The following RNGTT variants were observed in gnomAD, a reference collection of about 807,000 sequenced individuals.
The protein encoded by RNGTT is mRNA-capping enzyme.
RNGTT carries 33 observed loss-of-function variants against 79.3 expected under a neutral mutation model. That is an observed-to-expected ratio of 0.42 (90% CI 0.32 to 0.56). The LOEUF is 0.56. RNGTT is among the 20% of genes least tolerant of loss of function. The pLI is 0.17. For synonymous variants in RNGTT, 222 were observed against 235.9 expected, an observed-to-expected ratio of 0.94 and a Z score of 0.54; for missense variants, 497 against 739.1, an observed-to-expected ratio of 0.67 and a Z score of 3.80.
At chr6:88,647,029 T>C (rs1007794821) in intron 14 of RNGTT, among the ~76,000 whole-genome samples, 7 of 143,078 alleles carry the variant, frequency 4.9e-5, no homozygotes, top group Non-Finnish European at 1.0e-4. Flanking sequence ...AATAAAAATA[T>C]ATATATGAAA....
chr6:88,767,773 G>A (rs1180969659), intron 13 of RNGTT, among the ~76,000 whole-genome samples: 3 of 150,648 alleles, frequency 2.0e-5, no homozygotes, highest in African/African-American at 4.9e-5. Flanking sequence ...CTTCTGTAAG[G>A]CACTTCCAGA....
chr6:88,838,013 C>A (rs913891621), intron 11 of RNGTT, among the ~76,000 whole-genome samples: 1 of 151,886 alleles, frequency 6.6e-6, no homozygotes, highest in African/African-American at 2.4e-5. Context: ...AATATGAATA[C>A]CTAAAAAAAT....
At chr6:88,666,847 G>A (rs1325429915) in intron 14 of RNGTT, among the ~76,000 whole-genome samples, 1 of 152,116 alleles carries the variant, frequency 6.6e-6, no homozygotes, top group Non-Finnish European at 1.5e-5. Context: ...CTTTAACTCA[G>A]GCCTTAGAGC....
chr6:88,627,699 T>C (rs1016065046), intron 14 of RNGTT, among the ~76,000 whole-genome samples: 1 of 152,142 alleles, frequency 6.6e-6, no homozygotes, highest in African/African-American at 2.4e-5. Flanking sequence ...TCCTTTAAAA[T>C]CACTCAATTT....
intron 1 of RNGTT, among the ~76,000 whole-genome samples, chr6:88,950,489 A>C (rs1329502713): frequency 6.6e-6 from 1 of 152,216 alleles, no homozygotes; most frequent in Non-Finnish European, 1.5e-5. Context: ...AACTTTCTGG[A>C]AAGGATTCAC....
chr6:88,874,309 A>C (rs78913951), intron 8 of RNGTT, among the ~76,000 whole-genome samples: 6,168 of 152,200 alleles, frequency 0.041, 181 homozygotes, highest in Middle Eastern at 0.058. Context: ...TTTAAAAGCC[A>C]CTTAACGTAT....
rs183488525 is a variant in RNGTT at position 88,865,702 on chromosome 6, A to G, written c.897-11938T>C. 3.1e-3 allele frequency among the ~76,000 whole-genome samples: 472 copies of G among 152,294 alleles called. 9 individuals are homozygous for G. The highest frequency in any genetic ancestry group is 0.011 in the African/African-American group (457 of 41,590). Reference sequence around the variant, plus strand: ...CATATTTTAAAAACTTGAATCAGGTAGGTCTCAATCTGTCTAAGAGCTTGT... The same window carrying G: ...CATATTTTAAAAACTTGAATCAGGTGGGTCTCAATCTGTCTAAGAGCTTGT... On this transcript the variant is annotated intron_variant, in intron 8 of 15. Transcript: ENST00000369485.
intron 13 of RNGTT, among the ~76,000 whole-genome samples, chr6:88,680,657 G>A (rs570345906): frequency 3.3e-5 from 5 of 151,130 alleles, no homozygotes; most frequent in Admixed American, 2.6e-4. Flanking sequence ...CAGAAGAATC[G>A]CTTGAACTCA....
At chr6:88,831,414 A>T (rs1403507185) in intron 11 of RNGTT, among the ~76,000 whole-genome samples, 1 of 152,216 alleles carries the variant, frequency 6.6e-6, no homozygotes, top group Non-Finnish European at 1.5e-5. Context: ...ACCTCTCAAT[A>T]GACTAGGTAC....
At chr6:88,791,415 C>G (rs1779405127) in intron 12 of RNGTT, among the ~76,000 whole-genome samples, 1 of 151,776 alleles carries the variant, frequency 6.6e-6, no homozygotes, top group Non-Finnish European at 1.5e-5. Context: ...CTGGGACCTC[C>G]AGATCTGTAA....
chr6:88,649,451 C>T (rs1490881088), intron 14 of RNGTT, among the ~76,000 whole-genome samples: 1 of 152,200 alleles, frequency 6.6e-6, no homozygotes, highest in Non-Finnish European at 1.5e-5. Context: ...GTAATCCCAG[C>T]ACTTTGGGAG....
intron 13 of RNGTT, among the ~76,000 whole-genome samples, chr6:88,731,216 A>T (rs1284802747): frequency 6.6e-6 from 1 of 152,198 alleles, no homozygotes; most frequent in Non-Finnish European, 1.5e-5. Flanking sequence ...AAAAACAAAA[A>T]GCTGATGGCA....
intron 14 of RNGTT, among the ~76,000 whole-genome samples, chr6:88,636,601 T>C (rs190223660): frequency 6.6e-6 from 1 of 151,948 alleles, no homozygotes; most frequent in Admixed American, 6.6e-5. Flanking sequence ...CAAATAATTA[T>C]TAATGATGGT....
rs1414272517 is a variant in RNGTT, at chr6:88,897,638, G to T, written c.685-5723C>A. ...CCACTTGAATGAATAGTTTATAGTA[G>T]TGTGCAGAAAAGGGTTAACCTAACA... On this transcript the variant is annotated intron_variant, in intron 6 of 15. Transcript: ENST00000369485. 2.6e-5 allele frequency among the ~76,000 whole-genome samples: 4 copies of T among 152,108 alleles called. No homozygotes were observed. The East Asian group carries it at 7.7e-4, about 29-fold the overall frequency.
At chr6:88,919,217 C>T (rs1160205881) in intron 4 of RNGTT, among the ~76,000 whole-genome samples, 2 of 152,204 alleles carry the variant, frequency 1.3e-5, no homozygotes, top group African/African-American at 4.8e-5. Context: ...TTTTCTTCAT[C>T]ATGAGAATGG....
At chr6:88,657,071 C>A (rs1258277425) in intron 14 of RNGTT, among the ~76,000 whole-genome samples, 1 of 152,172 alleles carries the variant, frequency 6.6e-6, no homozygotes, top group Non-Finnish European at 1.5e-5. Flanking sequence ...TGTGAAGACT[C>A]ACACTGTGAA....
chr6:88,780,227 C>A (rs985428285), intron 12 of RNGTT, among the ~76,000 whole-genome samples: 1 of 152,078 alleles, frequency 6.6e-6, no homozygotes, highest in African/African-American at 2.4e-5. Flanking sequence ...AATTTCAAAA[C>A]TTACTACAAA....
chr6:88,797,454 C>T (rs1477939559), intron 12 of RNGTT, among the ~76,000 whole-genome samples: 2 of 151,924 alleles, frequency 1.3e-5, no homozygotes, highest in African/African-American at 4.8e-5. Context: ...AAGGGATTTC[C>T]TGGATGAAAT....
intron 14 of RNGTT, among the ~76,000 whole-genome samples, chr6:88,632,962 T>C (rs1476293714): frequency 6.6e-6 from 1 of 152,218 alleles, no homozygotes; most frequent in African/African-American, 2.4e-5. Flanking sequence ...AAAGAGGCTG[T>C]CCTGGCTGGG....
Sources: allele counts gnomAD v4.1 joint callset (sites outside exome capture counted in the v4.1 genomes callset), GRCh38; gene constraint gnomAD v4.1.1; transcripts MANE v1.5; gene names NCBI Gene and HGNC (gene_info 2026-07-23, HGNC 2026-07-21).